AHCTF1: variants seen among roughly 807,000 people sequenced by gnomAD.
AHCTF1 encodes protein ELYS.
A neutral mutation model predicts 248.4 loss-of-function variants in AHCTF1; 24 were observed. The observed-to-expected ratio is 0.10, with a 90% confidence interval of 0.07 to 0.14. The LOEUF (loss-of-function observed/expected upper bound fraction) is 0.14, where lower values mean the gene tolerates loss of function less well. AHCTF1 is among the 10% of genes least tolerant of loss of function. The pLI is 1.00. For missense variants in AHCTF1, 2,206 were observed against 2,636.2 expected, an observed-to-expected ratio of 0.84 and a Z score of 3.57; for synonymous variants, 786 against 929.8, an observed-to-expected ratio of 0.85 and a Z score of 2.81.
chr1:246,869,429 C>T (rs1558233024), intron 24 of AHCTF1, among the ~76,000 whole-genome samples: 1 of 151,884 alleles, frequency 6.6e-6, no homozygotes, highest in Non-Finnish European at 1.5e-5. Flanking sequence ...GTTGTAAATG[C>T]AAAAAAGAAC....
intron 11 of AHCTF1, among the ~76,000 whole-genome samples, chr1:246,898,743 C>T (rs533821417): frequency 3.9e-5 from 6 of 152,244 alleles, no homozygotes; most frequent in East Asian, 1.9e-4. Context: ...CATTCATCCA[C>T]ATCTGGACGA....
rs540570087 is a variant in AHCTF1 at position 246,884,994 on chromosome 1, A to G, written c.2660+499T>C. On this transcript the variant is annotated intron_variant, in intron 21 of 35. Coordinates refer to ENST00000648844, the MANE Select transcript of AHCTF1 (RefSeq NM_001323342.2). ...CTCCTTTTCAGCATACTAAACCCTC[A>G]GCTGTCCAGGCAGGACAACTGTCAA... Among the ~76,000 whole-genome samples the G allele has an allele frequency of 3.9e-5, 6 of 152,294 alleles. No homozygotes were observed. The East Asian group carries it at 1.2e-3, about 29-fold the overall frequency.
chr1:246,901,007 C>G (rs1664956992), intron 8 of AHCTF1, among the ~76,000 whole-genome samples: 1 of 152,150 alleles, frequency 6.6e-6, no homozygotes, highest in African/African-American at 2.4e-5. Context: ...AAGTAAAAAT[C>G]TGAAACACTA....
At chr1:246,901,837 T>C (rs781445164) in intron 8 of AHCTF1, among the ~76,000 whole-genome samples, 1 of 151,950 alleles carries the variant, frequency 6.6e-6, no homozygotes, top group African/African-American at 2.4e-5. Flanking sequence ...TCTAAATAAA[T>C]AAACAAATAA....
chr1:246,874,416 A>G (rs1001757431), intron 24 of AHCTF1, among the ~76,000 whole-genome samples: 4 of 152,230 alleles, frequency 2.6e-5, no homozygotes, highest in African/African-American at 9.6e-5. Flanking sequence ...TTAACTTGCT[A>G]AACCTTTTGA....
At chr1:246,846,902 C>T (rs1181825829) in intron 33 of AHCTF1, among the ~76,000 whole-genome samples, 1 of 151,912 alleles carries the variant, frequency 6.6e-6, no homozygotes, top group Non-Finnish European at 1.5e-5. Flanking sequence ...CAGGTGCAGC[C>T]ACCACATGCC....
At chr1:246,865,302 A>G (rs748058979) in intron 26 of AHCTF1, 10 of 152,224 alleles carry the variant, frequency 6.6e-5, no homozygotes, top group Non-Finnish European at 1.3e-4. Flanking sequence ...CCAGAAATAA[A>G]AACTTGTAGT....
intron 1 of AHCTF1, among the ~76,000 whole-genome samples, chr1:246,927,680 G>C (rs1667035733): frequency 6.6e-6 from 1 of 152,228 alleles, no homozygotes; most frequent in African/African-American, 2.4e-5. Context: ...TAGATAGGCA[G>C]AGCAGGAACG....
At chr1:246,896,628 T>C (rs920931817) in intron 12 of AHCTF1, among the ~76,000 whole-genome samples, 2 of 152,162 alleles carry the variant, frequency 1.3e-5, no homozygotes, top group African/African-American at 4.8e-5. Context: ...GTAATAAAAA[T>C]GTCCTAAAAT....
chr1:246,897,818 C>CA lies in AHCTF1; in HGVS notation c.1623+389dup, dbSNP rs1327293961. Among the ~76,000 whole-genome samples, 365 of 141,812 alleles carry CA rather than the reference C, an allele frequency of 2.6e-3. 1 individual carries two copies. The highest frequency in any genetic ancestry group is 7.1e-3 in the South Asian group (32 of 4,490). The allele number at this position is 141,812 out of a possible 152,430, so 93.0% of individuals were successfully genotyped here. A position where few individuals can be genotyped will look rare whatever the true frequency, so the allele number is the denominator to read the frequency against. On this transcript the variant is annotated intron_variant, in intron 12 of 35. Coordinates refer to ENST00000648844, the MANE Select transcript of AHCTF1 (RefSeq NM_001323342.2). ...CAACATAGCGAGACCCTGTCTCTACCAAAAAAAAAAAGGGCTAAGCATAGT... is the reference window on the plus strand; with the variant it reads ...CAACATAGCGAGACCCTGTCTCTACCAAAAAAAAAAAAGGGCTAAGCATAGT...
At position 246,867,891 on chromosome 1, in the gene AHCTF1, A is replaced by AC. The variant is rs936329065; in HGVS notation, c.3089-81dup. ...TAAAAGCATATGAAAGAATGATTAC[A>AC]CCCCCCCCCCCACACACACACACAC... On this transcript the variant is annotated intron_variant, in intron 24 of 35. Coordinates refer to ENST00000648844, the MANE Select transcript of AHCTF1 (RefSeq NM_001323342.2). 6.9e-3 allele frequency: 2,282 copies of AC among 331,270 alleles called. 11 individuals carry two copies. Among genetic ancestry groups the AC allele is most frequent in the East Asian group, 0.019 (262 of 14,128 alleles). 20.5% of individuals were successfully genotyped at this position (331,270 alleles called of 1,614,324 possible). A position where few individuals can be genotyped will look rare whatever the true frequency, so the allele number is the denominator to read the frequency against.
chr1:246,890,899 A>C (rs1664167688), intron 16 of AHCTF1, 57 bp downstream of exon 16: 1 of 1,164,936 alleles, frequency 8.6e-7, no homozygotes, highest in Non-Finnish European at 1.1e-6. Context: ...ACAATAACAA[A>C]ATTATAAAGA....
At chr1:246,904,152 G>A (rs1665218398) in intron 6 of AHCTF1, 119 bp from the exon 7 acceptor site, 1 of 747,050 alleles carries the variant, frequency 1.3e-6, no homozygotes, top group Non-Finnish European at 2.2e-6. Flanking sequence ...TAAAATCACT[G>A]TGAAAAATTT....
At chr1:246,882,199 G>A (rs1261253309) in intron 21 of AHCTF1, among the ~76,000 whole-genome samples, 16 of 149,836 alleles carry the variant, frequency 1.1e-4, no homozygotes, top group Non-Finnish European at 7.4e-5. Context: ...GGGTTTCACC[G>A]TGTTAGCCAG....
At chr1:246,922,842 G>A (rs1444151203) in intron 1 of AHCTF1, among the ~76,000 whole-genome samples, 1 of 151,116 alleles carries the variant, frequency 6.6e-6, no homozygotes, top group East Asian at 2.0e-4. Flanking sequence ...AAATAGCCGG[G>A]CGTGGTGGCA....
intron 1 of AHCTF1, among the ~76,000 whole-genome samples, chr1:246,927,800 C>T (rs946220460): frequency 6.6e-6 from 1 of 151,922 alleles, no homozygotes; most frequent in South Asian, 2.1e-4. Flanking sequence ...GTCAAGAGAC[C>T]CAGACCATCC....
intron 8 of AHCTF1, 102 bp downstream of exon 8, chr1:246,902,423 C>T (rs1665070052): frequency 1.4e-6 from 2 of 1,401,480 alleles, no homozygotes; most frequent in Non-Finnish European, 1.9e-6. Context: ...AATTACTATT[C>T]CAATTTTCTG....
intron 28 of AHCTF1, 23 bp from the exon 29 acceptor site, chr1:246,861,318 G>A: frequency 6.4e-7 from 1 of 1,568,646 alleles, no homozygotes; most frequent in Non-Finnish European, 8.7e-7. Flanking sequence ...ATTTTGAAAA[G>A]AAAAAAATTA....
At chr1:246,921,247 C>T (rs1003943567) in intron 1 of AHCTF1, among the ~76,000 whole-genome samples, 1 of 151,884 alleles carries the variant, frequency 6.6e-6, no homozygotes, top group African/African-American at 2.4e-5. Flanking sequence ...AAAATAAACA[C>T]AGAATGCACA....
Sources: allele counts gnomAD v4.1 joint callset (sites outside exome capture counted in the v4.1 genomes callset), GRCh38; gene constraint gnomAD v4.1.1; transcripts MANE v1.5; gene names NCBI Gene and HGNC (gene_info 2026-07-23, HGNC 2026-07-21).